Variants in ABCD2 observed in about 807,000 individuals in gnomAD.
ABCD2 encodes the protein ATP-binding cassette sub-family D member 2.
A neutral mutation model predicts 70.9 loss-of-function variants in ABCD2; 36 were observed. The ratio of observed to expected loss-of-function variants is 0.51; its 90% CI spans 0.39 to 0.67. The LOEUF (loss-of-function observed/expected upper bound fraction) is 0.67, where lower values mean the gene tolerates loss of function less well. Among genes scored for constraint, ABCD2 ranks in the 30% least tolerant of loss-of-function variants. The pLI is 0.00. For missense variants in ABCD2, 729 were observed against 890.2 expected (o/e 0.82, Z 2.30); for synonymous variants, 304 against 306.9 (o/e 0.99, Z 0.10).
chr12:39,558,033 G>C (rs1047955746), intron 9 of ABCD2, among the ~76,000 whole-genome samples: 6 of 152,198 alleles, frequency 3.9e-5, no homozygotes, highest in Non-Finnish European at 7.3e-5. Context: ...CTTGCACCAT[G>C]CACCTGGAAA....
At chr12:39,598,985 A>C (rs1317470093) in intron 6 of ABCD2, among the ~76,000 whole-genome samples, 1 of 152,226 alleles carries the variant, frequency 6.6e-6, no homozygotes, top group African/African-American at 2.4e-5. Flanking sequence ...AAGGTAAATG[A>C]CTTTTAACAG....
At chr12:39,575,592 T>C (rs1363702653) in intron 8 of ABCD2, among the ~76,000 whole-genome samples, 1 of 152,208 alleles carries the variant, frequency 6.6e-6, no homozygotes. Flanking sequence ...AAGAGAATAC[T>C]ATTGTGATGC....
At chr12:39,604,049 T>C (rs367718650) in intron 4 of ABCD2, 43 bp from the exon 5 acceptor site, 110 of 1,363,058 alleles carry the variant, frequency 8.1e-5, no homozygotes, top group Non-Finnish European at 1.1e-4. Flanking sequence ...TTATCACAGG[T>C]TTCTGATTAA....
chr12:39,607,600 T>C lies in ABCD2; in HGVS notation c.1235A>G (p.Glu412Gly). The change falls in exon 3 of 10, where the codon GAG becomes GGG. Residue 412 changes from glutamate (E) to glycine (G), a missense_variant and splice_region_variant. Around this residue, in one of 3 missense-constraint regions of ABCD2, gnomAD observed 195 missense variants for 300.2 expected, o/e 0.65. Transcript: ENST00000308666. ...ATTGACAATAAGAAATGCAAGTACCTCTTTGTATGAAGACATAATCCTTTC... is the reference window on the plus strand; with the variant it reads ...ATTGACAATAAGAAATGCAAGTACCCCTTTGTATGAAGACATAATCCTTTC... ...AIERIMSSYK[E>G]VTELAGYTAR... The C allele has an allele frequency of 6.3e-7, 1 of 1,591,548 alleles. No individual in the cohort carries two copies. Among genetic ancestry groups the C allele is most frequent in the Non-Finnish European group, 8.6e-7 (1 of 1,168,094 alleles).
chr12:39,532,540 A>G, the ABCD2 span, among the ~76,000 whole-genome samples: 1 of 152,204 alleles, frequency 6.6e-6, no homozygotes, highest in Non-Finnish European at 1.5e-5. Context: ...TTTTGGAAGA[A>G]GATCTGGCAA....
intron 8 of ABCD2, among the ~76,000 whole-genome samples, chr12:39,574,492 G>A (rs1291709260): frequency 6.6e-6 from 1 of 152,066 alleles, no homozygotes; most frequent in Non-Finnish European, 1.5e-5. Context: ...ATGCCTGTCT[G>A]TTATCAGAGG....
chr12:39,553,071 C>T lies in ABCD2; in HGVS notation c.*841G>A, dbSNP rs562124291. ...TATGATTCTCAGAATCCTTAAGTTC[C>T]TTTATACCATTGCAGTTCTTAAAAT... On this transcript the variant is annotated 3_prime_UTR_variant, in exon 10 of 10. Transcript: ENST00000308666. 7.2e-5 allele frequency: 11 copies of T among 152,004 alleles called. No homozygotes were observed. Among genetic ancestry groups the T allele is most frequent in the African/African-American group, 2.2e-4 (9 of 41,530 alleles). The allele number at this position is 152,004 out of a possible 1,614,324, so 9.4% of individuals were successfully genotyped here.
At chr12:39,581,849 A>T (rs1941600629) in intron 7 of ABCD2, among the ~76,000 whole-genome samples, 1 of 152,142 alleles carries the variant, frequency 6.6e-6, no homozygotes, top group South Asian at 2.1e-4. Flanking sequence ...GTTGCCTCTG[A>T]CCCTGATTTA....
chr12:39,569,619 C>T (rs539394017), intron 9 of ABCD2, among the ~76,000 whole-genome samples: 1 of 152,164 alleles, frequency 6.6e-6, no homozygotes, highest in Non-Finnish European at 1.5e-5. Flanking sequence ...GCTCGGTGGT[C>T]TGCACCCACT....
chr12:39,616,163 T>C (rs1942112077), intron 2 of ABCD2, among the ~76,000 whole-genome samples: 1 of 152,114 alleles, frequency 6.6e-6, no homozygotes, highest in Non-Finnish European at 1.5e-5. Flanking sequence ...CCAATTTTAG[T>C]CCAGTGATTT....
chr12:39,596,859 T>G (rs567295618), intron 6 of ABCD2, among the ~76,000 whole-genome samples: 30 of 152,154 alleles, frequency 2.0e-4, no homozygotes, highest in Non-Finnish European at 3.7e-4. Context: ...CAGATGCCTT[T>G]ATATAAAATG....
chr12:39,583,081 A>C (rs1361308516), intron 7 of ABCD2, among the ~76,000 whole-genome samples: 1 of 151,924 alleles, frequency 6.6e-6, no homozygotes, highest in Non-Finnish European at 1.5e-5. Context: ...GCTGGTTTCA[A>C]CCTCCTAGAT....
chr12:39,589,646 C>CA (rs1217312416), intron 6 of ABCD2, among the ~76,000 whole-genome samples: 1 of 152,038 alleles, frequency 6.6e-6, no homozygotes, highest in East Asian at 1.9e-4. Flanking sequence ...CTCGGCCTCC[C>CA]AAAGTGCTGG....
intron 6 of ABCD2, among the ~76,000 whole-genome samples, chr12:39,596,336 T>C (rs905703326): frequency 6.6e-6 from 1 of 152,216 alleles, no homozygotes; most frequent in African/African-American, 2.4e-5. Flanking sequence ...TTTATTTCCA[T>C]TAGTTGAATG....
At chr12:39,580,186 C>T (rs1026308837) in intron 7 of ABCD2, among the ~76,000 whole-genome samples, 9 of 152,066 alleles carry the variant, frequency 5.9e-5, no homozygotes, top group African/African-American at 1.9e-4. Context: ...AGCTATTTAC[C>T]CTCCTCAGCC....
chr12:39,595,358 G>A (rs1002786971), intron 6 of ABCD2, among the ~76,000 whole-genome samples: 5 of 151,992 alleles, frequency 3.3e-5, no homozygotes, highest in Admixed American at 2.0e-4. Context: ...TCCATATAAC[G>A]CTAAGTAAAG....
the ABCD2 span, among the ~76,000 whole-genome samples, chr12:39,532,623 G>A: frequency 8.5e-5 from 13 of 152,080 alleles, no homozygotes; most frequent in East Asian, 1.9e-4. Flanking sequence ...TGGAAGCCAC[G>A]TAGACAAAGC....
chr12:39,558,628 C>T (rs1436123903), intron 9 of ABCD2, among the ~76,000 whole-genome samples: 3 of 152,156 alleles, frequency 2.0e-5, no homozygotes, highest in African/African-American at 7.2e-5. Flanking sequence ...CTCCTGAGTT[C>T]ATTCTCCTTC....
chr12:39,611,803 G>A (rs541755860), intron 2 of ABCD2, among the ~76,000 whole-genome samples: 2 of 152,066 alleles, frequency 1.3e-5, no homozygotes, highest in Admixed American at 6.5e-5. Flanking sequence ...ATGTGTGTGT[G>A]TGTATGTGTA....
Sources: gnomAD v4.1 joint callset for allele counts (sites outside exome capture counted in the v4.1 genomes callset) on GRCh38, gnomAD v4.1.1 for gene constraint, gnomAD v4.1.1 regional missense constraint, MANE v1.5 for transcripts, NCBI Gene and HGNC (gene_info 2026-07-23, HGNC 2026-07-21) for gene names.